CHRNG: variants seen among roughly 807,000 people sequenced by gnomAD.
The protein encoded by CHRNG is acetylcholine receptor subunit gamma.
Under a neutral mutation model 65.2 loss-of-function variants are expected in CHRNG, and 72 were observed. The ratio of observed to expected loss-of-function variants is 1.10; its 90% CI spans 0.91 to 1.34. CHRNG has a LOEUF of 1.34. Ranked by LOEUF, CHRNG falls within the 40% of genes most tolerant of loss-of-function variation. The pLI is 0.00. For missense variants in CHRNG, 637 were observed against 680.1 expected, an observed-to-expected ratio of 0.94 and a Z score of 0.70; for synonymous variants, 284 against 290.2, an observed-to-expected ratio of 0.98 and a Z score of 0.22.
rs1185535769 is a variant in CHRNG, at chr2:232,543,091, A to G, written c.805+9A>G. ...CTTCCTTCCTGCCAAGGGTACCTGG[A>G]GCCTATGGGAAGGAGCCATCCAGTA... On this transcript the variant is annotated intron_variant, in intron 7 of 11. Coordinates refer to ENST00000651502, the MANE Select transcript of CHRNG (RefSeq NM_005199.5). 3 of 1,613,574 alleles carry G rather than the reference A, an allele frequency of 1.9e-6. No homozygotes were observed. Among genetic ancestry groups the G allele is most frequent in the Non-Finnish European group, 2.5e-6 (3 of 1,179,582 alleles).
intron 11 of CHRNG, 69 bp from the exon 12 acceptor site, chr2:232,545,474 G>C (rs1692110935): frequency 7.1e-7 from 1 of 1,407,594 alleles, no homozygotes; most frequent in Admixed American, 1.8e-5. Context: ...GAAGCCCAAG[G>C]ATGAGAACAG....
rs759043674 is a variant in CHRNG at position 232,544,359 on chromosome 2, CT to C, written c.1036-7del. Reference sequence around the variant, plus strand: ...CCTGCTGCCCTAGTGAAGCCACCCCCTCTCTAGGTGTTCCTGAGGCTCTTGC... The same window carrying C: ...CCTGCTGCCCTAGTGAAGCCACCCCCCTCTAGGTGTTCCTGAGGCTCTTGC... On this transcript the variant is annotated splice_polypyrimidine_tract_variant and splice_region_variant and intron_variant, in intron 9 of 11. Transcript: ENST00000651502. 1.9e-6 allele frequency: 3 copies of C among 1,608,182 alleles called. No individual in the cohort carries two copies. Among genetic ancestry groups the C allele is most frequent in the Admixed American group, 1.7e-5 (1 of 60,030 alleles).
At chr2:232,545,239 G>A (rs1294665203) in intron 11 of CHRNG, among the ~76,000 whole-genome samples, 4 of 151,826 alleles carry the variant, frequency 2.6e-5, no homozygotes, top group Admixed American at 2.0e-4. Flanking sequence ...CCTGGGAGGC[G>A]GAGGTTGCAG....
rs763399820 is a variant in CHRNG, at chr2:232,541,441, T to G, written c.418T>G (p.Trp140Gly). 1.9e-6 allele frequency: 3 copies of G among 1,614,046 alleles called. No individual in the cohort carries two copies. The highest frequency in any genetic ancestry group is 1.7e-6 in the Non-Finnish European group (2 of 1,179,996). ...VLVSPDGCIY[W>G]LPPAIFRSAC... ...CGTGTCCCCTGACGGCTGTATCTAC[T>G]GGCTGCCGCCTGCCATCTTCCGTTC... Residue 140 changes from tryptophan to glycine, a missense_variant, in exon 5 of 12, where the codon TGG (tryptophan) becomes GGG (glycine). Trp to Gly is a radical substitution (Grantham distance 184). Transcript: ENST00000651502. The surrounding 1 kb of genome is among the most constrained non-coding windows in gnomAD (Gnocchi z 4.0).
rs554763080 is a variant in CHRNG, at chr2:232,546,233, G to A, written c.*517G>A. The A allele has an allele frequency of 2.5e-5, 4 of 161,066 alleles. No individual in the cohort carries two copies. Among genetic ancestry groups the A allele is most frequent in the Non-Finnish European group, 5.4e-5 (4 of 73,694 alleles). 10.0% of individuals were successfully genotyped at this position (161,066 alleles called of 1,614,324 possible). ...TACAATAAGCACCCAATTCTCAACA[G>A]CCCCAGTGGCCTTTCCATTCATGTG... On this transcript the variant is annotated 3_prime_UTR_variant, in exon 12 of 12. Coordinates refer to ENST00000651502, the MANE Select transcript of CHRNG (RefSeq NM_005199.5).
chr2:232,544,249 C>T (rs771495772), intron 9 of CHRNG, 118 bp from the exon 10 acceptor site: 123 of 826,814 alleles, frequency 1.5e-4, no homozygotes, highest in Non-Finnish European at 2.3e-4. Flanking sequence ...ACCAAGGCCA[C>T]GTCACTGCCC....
In CHRNG at chr2:232,540,559, G is replaced by A; in HGVS notation, c.241-43G>A. 2 of 1,602,184 alleles carry A rather than the reference G, an allele frequency of 1.2e-6. No homozygotes were observed. Among genetic ancestry groups the A allele is most frequent in the Admixed American group, 1.7e-5 (1 of 59,374 alleles). On this transcript the variant is annotated intron_variant, in intron 3 of 11. Coordinates refer to ENST00000651502, the MANE Select transcript of CHRNG (RefSeq NM_005199.5). This position sits in a 1 kb window ranked among gnomAD's most constrained non-coding sequence, Gnocchi z 4.2. ...GGATGCCCACTCCTAGGGCTGTGGT[G>A]CAGCAGAGGGCAGAGGCCTAGCAAC...
At chr2:232,545,521 C>A in intron 11 of CHRNG, 22 bp from the exon 12 acceptor site, 1 of 1,611,556 alleles carries the variant, frequency 6.2e-7, no homozygotes, top group East Asian at 2.2e-5. Context: ...CTGGTTATCC[C>A]ACACCTGCCT....
chr2:232,540,814 C>A lies in CHRNG; in HGVS notation c.350+103C>A. ...AAAAGAGAAAGATGAGCAGAGGGTG[C>A]AAATCGGGCACCTGTGGGGCTAGGG... is the stretch of plus-strand genomic sequence containing the variant. On this transcript the variant is annotated intron_variant, in intron 4 of 11. Coordinates refer to ENST00000651502, the MANE Select transcript of CHRNG (RefSeq NM_005199.5). This position sits in a 1 kb window ranked among gnomAD's most constrained non-coding sequence, Gnocchi z 4.2. 9.3e-7 allele frequency: 1 copy of A among 1,078,114 alleles called. No individual in the cohort carries two copies. Among genetic ancestry groups the A allele is most frequent in the Non-Finnish European group, 1.4e-6 (1 of 730,666 alleles). The allele number at this position is 1,078,114 out of a possible 1,614,324, so 66.8% of individuals were successfully genotyped here.
chr2:232,543,413 C>T (rs1692057599), intron 8 of CHRNG, 24 bp downstream of exon 8: 1 of 1,524,262 alleles, frequency 6.6e-7, no homozygotes, highest in Non-Finnish European at 9.1e-7. Flanking sequence ...TCATGTCCAC[C>T]CGCCTATGCC....
chr2:232,543,390 G>A lies in CHRNG; in HGVS notation c.920+1G>A. The A allele has an allele frequency of 3.1e-6, 5 of 1,605,806 alleles. No individual in the cohort carries two copies. Among genetic ancestry groups the A allele is most frequent in the Non-Finnish European group, 4.3e-6 (5 of 1,172,510 alleles). On this transcript the variant is annotated splice_donor_variant, in intron 8 of 11. Transcript: ENST00000651502. LOFTEE classifies it high-confidence loss of function. ...CCCAGGCGGTGCCACTCATCAGCAA[G>A]TAAGGCTGGTCTTCATGTCCACCCG... is the stretch of plus-strand genomic sequence containing the variant.
At position 232,541,727 on chromosome 2, in the gene CHRNG, C is replaced by T. The variant is rs928176708; in HGVS notation, c.506+198C>T. 27 of 638,032 alleles carry T rather than the reference C, an allele frequency of 4.2e-5. No individual in the cohort carries two copies. Among genetic ancestry groups the T allele is most frequent in the Non-Finnish European group, 7.2e-5 (26 of 363,426 alleles). 39.5% of individuals were successfully genotyped at this position (638,032 alleles called of 1,614,324 possible). On this transcript the variant is annotated intron_variant, in intron 5 of 11. Coordinates refer to ENST00000651502, the MANE Select transcript of CHRNG (RefSeq NM_005199.5). This position sits in a 1 kb window ranked among gnomAD's most constrained non-coding sequence, Gnocchi z 4.0. Reference sequence around the variant, plus strand: ...CAAGCTCTCCCTGCTAAGCCCGAGTCCCCTCACTCATCCTTTACTGCCTCA... The same window carrying T: ...CAAGCTCTCCCTGCTAAGCCCGAGTTCCCTCACTCATCCTTTACTGCCTCA...
chr2:232,539,950 C>T, intron 1 of CHRNG, 42 bp from the exon 2 acceptor site: 3 of 1,613,772 alleles, frequency 1.9e-6, no homozygotes, highest in South Asian at 1.1e-5. Context: ...CCCGCTCTTT[C>T]CACCTCCAAG....
rs759015914 is a variant in CHRNG, at chr2:232,544,413, C to T, written c.1082C>T (p.Pro361Leu). ...CAGCTGCTGAGGATGCACGTTCGCC[C>T]GCTGGCCCCGGCAGCTGTGCAGGAC... is the stretch of plus-strand genomic sequence containing the variant. ...LPQLLRMHVR[P>L]LAPAAVQDTQ... The change falls in exon 10 of 12, where the codon CCG becomes CTG. Residue 361 changes from proline (P) to leucine (L), a missense_variant. Coordinates refer to ENST00000651502, the MANE Select transcript of CHRNG (RefSeq NM_005199.5). 12 of 1,613,430 alleles carry T rather than the reference C, an allele frequency of 7.4e-6. No individual in the cohort carries two copies. The highest frequency in any genetic ancestry group is 4.0e-5 in the African/African-American group (3 of 74,922).
intron 8 of CHRNG, 93 bp downstream of exon 8, chr2:232,543,482 C>CCCT: frequency 8.6e-7 from 1 of 1,159,962 alleles, no homozygotes. Context: ...CTCCATCCAC[C>CCCT]CCCCCCATCC....
chr2:232,546,235 C>T lies in CHRNG; in HGVS notation c.*519C>T, dbSNP rs533973618. The stretch of plus-strand genomic sequence containing the variant: ...CAATAAGCACCCAATTCTCAACAGC[C>T]CCAGTGGCCTTTCCATTCATGTGCA... On this transcript the variant is annotated 3_prime_UTR_variant, in exon 12 of 12. Transcript: ENST00000651502. 1 of 163,844 alleles carries T rather than the reference C, an allele frequency of 6.1e-6. No homozygotes were observed. Among genetic ancestry groups the T allele is most frequent in the African/African-American group, 2.4e-5 (1 of 41,858 alleles). The allele number at this position is 163,844 out of a possible 1,614,324, so 10.1% of individuals were successfully genotyped here.
chr2:232,541,229 GGT>G lies in CHRNG; in HGVS notation c.351-143_351-142del. The G allele has an allele frequency of 1.0e-6, 1 of 986,308 alleles. No homozygotes were observed. The highest frequency in any genetic ancestry group is 1.6e-6 in the Non-Finnish European group (1 of 632,432). The allele number at this position is 986,308 out of a possible 1,614,324, so 61.1% of individuals were successfully genotyped here. A position where few individuals can be genotyped will look rare whatever the true frequency, so the allele number is the denominator to read the frequency against. On this transcript the variant is annotated intron_variant, in intron 4 of 11. Transcript: ENST00000651502. The surrounding 1 kb of genome is among the most constrained non-coding windows in gnomAD (Gnocchi z 4.0). ...ATTGCTGGGGGGACCTAGTGGTCCG[GGT>G]GGGAACCAGTCAGGGGGTGACAGGC...
chr2:232,545,036 C>T (rs942521103), intron 11 of CHRNG, 134 bp downstream of exon 11: 5 of 1,122,042 alleles, frequency 4.5e-6, no homozygotes, highest in African/African-American at 1.5e-5. Flanking sequence ...GTGGGTCACA[C>T]CTGTAATCCC....
rs750086403 is a variant in CHRNG, at chr2:232,539,793, G to A, written c.46G>A (p.Val16Ile). 16 of 1,613,796 alleles carry A rather than the reference G, an allele frequency of 9.9e-6. No homozygotes were observed. The highest frequency in any genetic ancestry group is 4.5e-5 in the East Asian group (2 of 44,898). ...GCTGCTCCTCCTGCTGCTGCTGGCT[G>A]TCTGCCTGGGTGGGACACAAAGGAA... ...GPLLLLLLLA[V>I]CLGAQGRNQE... is the part of the protein sequence containing the mutation. The change falls in exon 1 of 12, where the codon GTC becomes ATC. Residue 16 changes from valine (V) to isoleucine (I), a missense_variant. Coordinates refer to ENST00000651502, the MANE Select transcript of CHRNG (RefSeq NM_005199.5).
Sources: allele counts gnomAD v4.1 joint callset (sites outside exome capture counted in the v4.1 genomes callset), GRCh38; gene constraint gnomAD v4.1.1; non-coding constraint Gnocchi (gnomAD v3.1); transcripts MANE v1.5; gene names NCBI Gene and HGNC (gene_info 2026-07-23, HGNC 2026-07-21).